Variants in AGBL1 observed in about 807,000 individuals in gnomAD.
AGBL1 encodes the protein cytosolic carboxypeptidase 4.
In AGBL1, 130 loss-of-function variants were observed where a neutral mutation model predicts 118.9. That is an observed-to-expected ratio of 1.09 (90% CI 0.95 to 1.26). The LOEUF is 1.26. AGBL1 is among the 50% of genes most tolerant of loss of function. AGBL1 has a pLI of 0.00. For synonymous variants in AGBL1, 555 were observed against 478.9 expected, an observed-to-expected ratio of 1.16 and a Z score of -2.08; for missense variants, 1,584 against 1,298.1, an observed-to-expected ratio of 1.22 and a Z score of -3.38.
intron 22 of AGBL1, among the ~76,000 whole-genome samples, chr15:86,810,777 C>T (rs879510394): frequency 2.6e-5 from 4 of 152,134 alleles, no homozygotes; most frequent in Non-Finnish European, 4.4e-5. Flanking sequence ...GTCTCTAAAA[C>T]ATCCATAAGC....
At chr15:86,590,935 A>G (rs546169017) in intron 21 of AGBL1, among the ~76,000 whole-genome samples, 1 of 152,352 alleles carries the variant, frequency 6.6e-6, no homozygotes, top group African/African-American at 2.4e-5. Context: ...ACATTGATAC[A>G]GTATGATTGT....
chr15:86,971,219 C>T (rs2141703486), intron 23 of AGBL1, among the ~76,000 whole-genome samples: 1 of 152,116 alleles, frequency 6.6e-6, no homozygotes, highest in Admixed American at 6.6e-5. Context: ...GAAAACTGTA[C>T]TGTCATACTT....
chr15:86,380,669 AAAG>A (rs1259897564), intron 17 of AGBL1, among the ~76,000 whole-genome samples: 6 of 152,080 alleles, frequency 3.9e-5, no homozygotes, highest in Admixed American at 2.0e-4. Flanking sequence ...CTGCAAGAAA[AAAG>A]AAGTATTTCC....
intron 6 of AGBL1, among the ~76,000 whole-genome samples, chr15:86,247,239 T>C (rs1173811716): frequency 3.9e-5 from 6 of 152,254 alleles, no homozygotes; most frequent in African/African-American, 1.4e-4. Context: ...AATTACTTAT[T>C]ATGCTGACTT....
intron 23 of AGBL1, among the ~76,000 whole-genome samples, chr15:86,973,987 T>C (rs1289725993): frequency 1.2e-4 from 17 of 138,752 alleles, no homozygotes; most frequent in Non-Finnish European, 2.3e-4. Flanking sequence ...AATATAAACA[T>C]ATTTAATATA....
At chr15:86,819,540 C>G (rs896225677) in intron 22 of AGBL1, among the ~76,000 whole-genome samples, 4 of 151,986 alleles carry the variant, frequency 2.6e-5, no homozygotes, top group African/African-American at 9.7e-5. Flanking sequence ...CTCCCATTCA[C>G]AGTTGCTACA....
chr15:86,790,286 C>T (rs1030433104), intron 22 of AGBL1, among the ~76,000 whole-genome samples: 2 of 151,918 alleles, frequency 1.3e-5, no homozygotes, highest in African/African-American at 2.4e-5. Context: ...ACTTGTGTGG[C>T]ATATTAACTT....
intron 22 of AGBL1, among the ~76,000 whole-genome samples, chr15:86,755,564 AG>A (rs2077925123): frequency 6.6e-6 from 1 of 152,084 alleles, no homozygotes; most frequent in African/African-American, 2.4e-5. Context: ...TTGACCTCAA[AG>A]TCCCCCTCTT....
At chr15:86,110,561 G>C (rs1282896764) in intron 1 of AGBL1, among the ~76,000 whole-genome samples, 4 of 152,070 alleles carry the variant, frequency 2.6e-5, no homozygotes, top group African/African-American at 9.7e-5. Flanking sequence ...GTGGCAGAGG[G>C]GGAAGAAAAT....
intron 3 of AGBL1, among the ~76,000 whole-genome samples, chr15:86,148,943 A>T (rs1313607333): frequency 6.6e-6 from 1 of 152,236 alleles, no homozygotes; most frequent in Admixed American, 6.5e-5. Flanking sequence ...CAGAAACCCT[A>T]CAAGCCAGAA....
intron 22 of AGBL1, among the ~76,000 whole-genome samples, chr15:86,795,547 C>T (rs999399105): frequency 1.3e-4 from 19 of 151,168 alleles, no homozygotes; most frequent in Admixed American, 1.3e-3. Context: ...TCCAGCCCCT[C>T]AGCACAGGCA....
At chr15:86,215,017 C>T (rs374535294) in intron 5 of AGBL1, among the ~76,000 whole-genome samples, 2 of 152,094 alleles carry the variant, frequency 1.3e-5, no homozygotes, top group African/African-American at 4.8e-5. Context: ...GAAAAATGGA[C>T]GAGCTCCATC....
chr15:86,725,429 G>A (rs1439760710), intron 22 of AGBL1, among the ~76,000 whole-genome samples: 1 of 152,170 alleles, frequency 6.6e-6, no homozygotes, highest in Admixed American at 6.5e-5. Flanking sequence ...TTAATTCCTG[G>A]GAGGTCAGTT....
At chr15:86,882,648 A>G (rs899027454) in intron 22 of AGBL1, among the ~76,000 whole-genome samples, 1 of 152,212 alleles carries the variant, frequency 6.6e-6, no homozygotes, top group Non-Finnish European at 1.5e-5. Flanking sequence ...GCACCTACTA[A>G]GTTCTCCATG....
At chr15:86,115,442 T>C (rs1181931666) in intron 1 of AGBL1, among the ~76,000 whole-genome samples, 1 of 152,238 alleles carries the variant, frequency 6.6e-6, no homozygotes, top group Non-Finnish European at 1.5e-5. Context: ...TTATCTGTTC[T>C]CTGTAACTTA....
At chr15:86,414,719 A>G (rs2081666563) in intron 18 of AGBL1, among the ~76,000 whole-genome samples, 1 of 152,218 alleles carries the variant, frequency 6.6e-6, no homozygotes, top group Non-Finnish European at 1.5e-5. Context: ...CATTTGTTGA[A>G]GTACACCTAA....
chr15:86,234,421 T>C (rs966174633), intron 6 of AGBL1, among the ~76,000 whole-genome samples: 1 of 151,926 alleles, frequency 6.6e-6, no homozygotes, highest in African/African-American at 2.4e-5. Context: ...CGTGATGGCA[T>C]GCACTTGTAG....
intron 1 of AGBL1, among the ~76,000 whole-genome samples, chr15:86,100,876 T>C (rs766568143): frequency 6.6e-6 from 1 of 152,140 alleles, no homozygotes; most frequent in African/African-American, 2.4e-5. Flanking sequence ...TTTATCTCTG[T>C]TCTGATCTTT....
intron 22 of AGBL1, among the ~76,000 whole-genome samples, chr15:86,678,997 C>A (rs140327012): frequency 6.6e-6 from 1 of 152,104 alleles, no homozygotes; most frequent in African/African-American, 2.4e-5. Flanking sequence ...GCTTTGTAAT[C>A]TAAATGTATG....
Sources: gnomAD v4.1 joint callset for allele counts (sites outside exome capture counted in the v4.1 genomes callset) on GRCh38, gnomAD v4.1.1 for gene constraint, MANE v1.5 for transcripts, NCBI Gene and HGNC (gene_info 2026-07-23, HGNC 2026-07-21) for gene names.